The following NRXN3 variants were observed in gnomAD, a reference collection of about 807,000 sequenced individuals.
The protein encoded by NRXN3 is neurexin 3.
In NRXN3, 32 loss-of-function variants were observed where a neutral mutation model predicts 137.6. That is an observed-to-expected ratio of 0.23 (90% CI 0.18 to 0.31). The LOEUF is 0.31. Ranked by LOEUF, NRXN3 falls within the 10% of genes least tolerant of loss-of-function variation. The probability of loss-of-function intolerance (pLI) is 1.00; values close to 1 mark genes in which losing one functional copy is unlikely to be tolerated. For synonymous variants in NRXN3, 798 were observed against 784.5 expected (o/e 1.02, Z -0.29); for missense variants, 1,574 against 2,062.5 (o/e 0.76, Z 4.59).
intron 19 of NRXN3, among the ~76,000 whole-genome samples, chr14:79,787,697 C>A (rs893741111): frequency 6.6e-6 from 1 of 152,158 alleles, no homozygotes; most frequent in African/African-American, 2.4e-5. Flanking sequence ...TGTCCTTTAG[C>A]TCCATCCACA....
At chr14:79,649,468 G>A (rs1259847203) in intron 16 of NRXN3, among the ~76,000 whole-genome samples, 1 of 152,088 alleles carries the variant, frequency 6.6e-6, no homozygotes, top group Admixed American at 6.6e-5. Context: ...ATGAAATTTT[G>A]CCATTATCAA....
intron 15 of NRXN3, among the ~76,000 whole-genome samples, chr14:79,095,755 A>C (rs920557487): frequency 2.6e-5 from 4 of 152,156 alleles, no homozygotes; most frequent in African/African-American, 7.2e-5. Context: ...ATTCTTGCGA[A>C]GGTTACTTTG....
chr14:79,021,806 TG>T (rs1371766832), intron 15 of NRXN3, among the ~76,000 whole-genome samples: 1 of 152,218 alleles, frequency 6.6e-6, no homozygotes, highest in African/African-American at 2.4e-5. Flanking sequence ...ATTATGCATT[TG>T]TTCAAATCTA....
At chr14:79,754,497 T>C (rs2099010828) in intron 19 of NRXN3, among the ~76,000 whole-genome samples, 1 of 109,832 alleles carries the variant, frequency 9.1e-6, no homozygotes, top group Non-Finnish European at 1.8e-5. Context: ...ACTCTCACTC[T>C]CTCTTGATAT....
chr14:78,668,280 A>G (rs936158537), intron 6 of NRXN3, among the ~76,000 whole-genome samples: 6 of 152,206 alleles, frequency 3.9e-5, no homozygotes, highest in Non-Finnish European at 8.8e-5. Flanking sequence ...TCTTTCAATT[A>G]TCTTTAAATG....
At chr14:78,224,406 C>T (rs1406319385) in intron 1 of NRXN3, among the ~76,000 whole-genome samples, 2 of 152,044 alleles carry the variant, frequency 1.3e-5, no homozygotes, top group Non-Finnish European at 2.9e-5. Context: ...GGTATATCTC[C>T]TAATGCTATC....
At chr14:78,473,156 A>C (rs1371612311) in intron 4 of NRXN3, among the ~76,000 whole-genome samples, 1 of 152,034 alleles carries the variant, frequency 6.6e-6, no homozygotes, top group Non-Finnish European at 1.5e-5. Context: ...TAATCCCAGC[A>C]CTTTGGGAGG....
intron 15 of NRXN3, among the ~76,000 whole-genome samples, chr14:79,156,320 C>T (rs2060251807): frequency 6.6e-6 from 1 of 151,764 alleles, no homozygotes; most frequent in African/African-American, 2.4e-5. Context: ...CTTAACCTTT[C>T]CTGAAATAAT....
intron 3 of NRXN3, among the ~76,000 whole-genome samples, chr14:78,285,172 C>A (rs1266259916): frequency 3.3e-5 from 5 of 152,122 alleles, no homozygotes; most frequent in Admixed American, 3.3e-4. Flanking sequence ...GACTGAGATA[C>A]CTTGGGGAAT....
intron 4 of NRXN3, among the ~76,000 whole-genome samples, chr14:78,405,613 C>CCGG (rs1555510781): frequency 1.0e-4 from 13 of 128,872 alleles, no homozygotes; most frequent in South Asian, 2.7e-4. Flanking sequence ...GGGGAAGGGG[C>CCGG]GGGGGGGTTC....
intron 15 of NRXN3, among the ~76,000 whole-genome samples, chr14:79,011,775 G>A (rs994528867): frequency 2.6e-5 from 4 of 152,042 alleles, no homozygotes; most frequent in African/African-American, 9.7e-5. Flanking sequence ...AGATCGCCCC[G>A]GAATGTATAC....
At chr14:79,308,890 AT>A (rs563424253) in intron 15 of NRXN3, among the ~76,000 whole-genome samples, 3,135 of 71,626 alleles carry the variant, frequency 0.044, 72 homozygotes, top group African/African-American at 0.1. Context: ...ATTTTATTTT[AT>A]TTTTTTTTAT....
chr14:79,756,978 A>G (rs2099021790), intron 19 of NRXN3, among the ~76,000 whole-genome samples: 1 of 152,132 alleles, frequency 6.6e-6, no homozygotes, highest in African/African-American at 2.4e-5. Flanking sequence ...TTCACATGAA[A>G]TGTACCCTCT....
chr14:79,793,701 A>T (rs926474319), intron 19 of NRXN3, among the ~76,000 whole-genome samples: 3 of 152,210 alleles, frequency 2.0e-5, no homozygotes, highest in Non-Finnish European at 4.4e-5. Context: ...TCTTTCTTCA[A>T]TAGTCTATTT....
intron 2 of NRXN3, 41 bp from the exon 3 acceptor site, chr14:78,278,604 C>T (rs1268470435): frequency 6.6e-7 from 1 of 1,512,176 alleles, no homozygotes; most frequent in Non-Finnish European, 8.9e-7. Context: ...CCCCTTTTCT[C>T]TCCTCTCTCC....
intron 4 of NRXN3, among the ~76,000 whole-genome samples, chr14:78,419,957 G>A (rs866254170): frequency 1.2e-4 from 6 of 48,058 alleles, no homozygotes; most frequent in South Asian, 1.1e-3. Context: ...GCGCGCGCGC[G>A]CACGCACACA....
At chr14:79,544,203 T>C (rs928942782) in intron 16 of NRXN3, among the ~76,000 whole-genome samples, 1 of 152,220 alleles carries the variant, frequency 6.6e-6, no homozygotes, top group Non-Finnish European at 1.5e-5. Flanking sequence ...TAAGTAGTAA[T>C]GGTGCCTCAG....
chr14:78,322,494 GT>G (rs1307761321), intron 4 of NRXN3, among the ~76,000 whole-genome samples: 1 of 151,964 alleles, frequency 6.6e-6, no homozygotes. Context: ...TCTCTGTCAT[GT>G]TGCTTGCCGT....
chr14:78,688,572 T>C (rs2098142315), intron 6 of NRXN3, among the ~76,000 whole-genome samples: 1 of 152,098 alleles, frequency 6.6e-6, no homozygotes, highest in Non-Finnish European at 1.5e-5. Flanking sequence ...AGAGTTTTGC[T>C]GTAATCATAG....
Sources: gnomAD v4.1 joint callset for allele counts (sites outside exome capture counted in the v4.1 genomes callset) on GRCh38, gnomAD v4.1.1 for gene constraint, MANE v1.5 for transcripts, NCBI Gene and HGNC (gene_info 2026-07-23, HGNC 2026-07-21) for gene names.